Variants in CLNK observed in about 807,000 individuals in gnomAD.
CLNK encodes cytokine-dependent hematopoietic cell linker.
A neutral mutation model predicts 68.6 loss-of-function variants in CLNK; 74 were observed. The ratio of observed to expected loss-of-function variants is 1.08; its 90% CI spans 0.89 to 1.31. CLNK has a LOEUF of 1.31. CLNK is among the 50% of genes most tolerant of loss of function. The pLI is 0.00. For missense variants in CLNK, 553 were observed against 515.3 expected (o/e 1.07, Z -0.71); for synonymous variants, 198 against 172.2 (o/e 1.15, Z -1.17).
At chr4:10,659,209 A>T (rs1724096522) in intron 2 of CLNK, among the ~76,000 whole-genome samples, 1 of 152,210 alleles carries the variant, frequency 6.6e-6, no homozygotes, top group Non-Finnish European at 1.5e-5. Flanking sequence ...CTCAAAGAAA[A>T]CAAAACGTAA....
chr4:10,536,175 C>T (rs1376938033), intron 11 of CLNK, among the ~76,000 whole-genome samples: 2 of 152,186 alleles, frequency 1.3e-5, no homozygotes, highest in Non-Finnish European at 1.5e-5. Context: ...TAACTGCCTA[C>T]CATTGATACA....
intron 3 of CLNK, among the ~76,000 whole-genome samples, chr4:10,585,369 C>T (rs552015729): frequency 1.3e-5 from 2 of 152,342 alleles, no homozygotes; most frequent in East Asian, 1.9e-4. Flanking sequence ...AGATGGTAGC[C>T]TATAGTTGTG....
At chr4:10,508,949 C>A (rs994295382) in intron 16 of CLNK, among the ~76,000 whole-genome samples, 27 of 151,852 alleles carry the variant, frequency 1.8e-4, no homozygotes, top group Admixed American at 5.2e-4. Flanking sequence ...TCTACTAAAA[C>A]TACAAAAATT....
chr4:10,506,333 GAGTC>G (rs1463062367), intron 17 of CLNK, among the ~76,000 whole-genome samples: 2 of 152,222 alleles, frequency 1.3e-5, no homozygotes, highest in African/African-American at 4.8e-5. Flanking sequence ...GATGTATTAA[GAGTC>G]AGAGTGTGAA....
rs140212935 is a variant in CLNK at position 10,516,743 on chromosome 4, G to C, written c.773-3146C>G. On this transcript the variant is annotated intron_variant, in intron 15 of 18. Coordinates refer to ENST00000226951, the MANE Select transcript of CLNK (RefSeq NM_052964.4). ...AATTTTTGTGTTTAGTAGAGTCAGG[G>C]TTTTGCAATGCTAGCCAGTCTGGTC... Among the ~76,000 whole-genome samples, 231 of 152,240 alleles carry C rather than the reference G, an allele frequency of 1.5e-3. 4 individuals are homozygous for C. Among genetic ancestry groups the C allele is most frequent in the South Asian group, 3.5e-3 (17 of 4,820 alleles).
intron 4 of CLNK, among the ~76,000 whole-genome samples, chr4:10,577,647 C>T (rs1048968495): frequency 1.6e-4 from 24 of 151,878 alleles, no homozygotes; most frequent in African/African-American, 4.8e-4. Flanking sequence ...ACAGACATCA[C>T]GATTTCAGGC....
At position 10,490,344 on chromosome 4, in the gene CLNK, T is replaced by C; in HGVS notation, c.*123A>G. The C allele has an allele frequency of 1.0e-6, 1 of 964,470 alleles. No individual in the cohort carries two copies. The highest frequency in any genetic ancestry group is 1.5e-6 in the Non-Finnish European group (1 of 660,228). 59.7% of individuals were successfully genotyped at this position (964,470 alleles called of 1,614,324 possible). A position where few individuals can be genotyped will look rare whatever the true frequency, so the allele number is the denominator to read the frequency against. On this transcript the variant is annotated 3_prime_UTR_variant, in exon 19 of 19. Coordinates refer to ENST00000226951, the MANE Select transcript of CLNK (RefSeq NM_052964.4). ...TGATTTTCCACTCTCTGTTATAGAG[T>C]GTTTTTCTTTTCTCCAAAGTTAAAA...
At chr4:10,505,980 CACTA>C (rs1717274692) in intron 17 of CLNK, among the ~76,000 whole-genome samples, 1 of 152,182 alleles carries the variant, frequency 6.6e-6, no homozygotes, top group African/African-American at 2.4e-5. Flanking sequence ...ATCATTTATT[CACTA>C]ACTAATTCAT....
intron 4 of CLNK, among the ~76,000 whole-genome samples, chr4:10,582,086 C>T (rs990864217): frequency 1.3e-5 from 2 of 152,124 alleles, no homozygotes. Flanking sequence ...CAATGTTAAT[C>T]CTTGAGTTTA....
chr4:10,603,554 C>T (rs61794846), intron 2 of CLNK, among the ~76,000 whole-genome samples: 6,076 of 152,246 alleles, frequency 0.04, 177 homozygotes, highest in Middle Eastern at 0.099. Flanking sequence ...GAGATGACCA[C>T]GTAGAAAGTG....
chr4:10,676,971 C>G (rs1359822376), intron 1 of CLNK, among the ~76,000 whole-genome samples: 1 of 121,344 alleles, frequency 8.2e-6, no homozygotes, highest in Non-Finnish European at 1.7e-5. Context: ...TTACCTCTGT[C>G]TCGCCCCTAT....
At chr4:10,541,963 T>C (rs1279113364) in intron 10 of CLNK, 59 bp downstream of exon 10, 1 of 1,265,750 alleles carries the variant, frequency 7.9e-7, no homozygotes, top group African/African-American at 1.5e-5. Flanking sequence ...CTTTTTCAGA[T>C]GCTGGCACAA....
intron 2 of CLNK, among the ~76,000 whole-genome samples, chr4:10,622,987 T>C (rs944558962): frequency 2.0e-5 from 3 of 152,132 alleles, no homozygotes; most frequent in Non-Finnish European, 4.4e-5. Flanking sequence ...TCTGAGCCCA[T>C]TTATGTCCCA....
At chr4:10,701,587 G>A in the CLNK span, among the ~76,000 whole-genome samples, 2 of 152,144 alleles carry the variant, frequency 1.3e-5, no homozygotes, top group Non-Finnish European at 2.9e-5. Context: ...TAAGGAGCTG[G>A]GAAGGAACCT....
chr4:10,616,790 GTATATATATATATA>G (rs58333228), intron 2 of CLNK, among the ~76,000 whole-genome samples: 15 of 64,400 alleles, frequency 2.3e-4, no homozygotes, highest in African/African-American at 5.8e-4. Flanking sequence ...GTGTGTGTGT[GTATATATATATATA>G]TATATATATA....
intron 16 of CLNK, among the ~76,000 whole-genome samples, chr4:10,509,716 G>A (rs1231519530): frequency 6.6e-6 from 1 of 152,074 alleles, no homozygotes; most frequent in African/African-American, 2.4e-5. Context: ...AGTAGAGACA[G>A]GGTTTCACCG....
At position 10,633,072 on chromosome 4, in the gene CLNK, G is replaced by T. The variant is rs568900702; in HGVS notation, c.11+34787C>A. ...CCTGTCTCAGCCTCCTGAGTATCTG[G>T]GATTACAGGCATGTGCTACCACACT... On this transcript the variant is annotated intron_variant, in intron 2 of 18. Coordinates refer to ENST00000226951, the MANE Select transcript of CLNK (RefSeq NM_052964.4). Among the ~76,000 whole-genome samples the T allele has an allele frequency of 2.6e-5, 4 of 152,200 alleles. No individual in the cohort carries two copies. In the East Asian group the frequency reaches 7.7e-4, roughly 29 times the overall value.
intron 11 of CLNK, among the ~76,000 whole-genome samples, chr4:10,537,679 CTTCCTTCCTTCCTTCCTT>C (rs1718837093): frequency 4.3e-5 from 2 of 46,118 alleles, no homozygotes; most frequent in Non-Finnish European, 8.5e-5. Context: ...TTCTTTCTTT[CTTCCTTCCTTCCTTCCTT>C]CCTTCCTTCC....
chr4:10,513,725 A>G, intron 15 of CLNK, 128 bp from the exon 16 acceptor site: 1 of 799,424 alleles, frequency 1.3e-6, no homozygotes, highest in Non-Finnish European at 1.8e-6. Context: ...TCAACACCAT[A>G]TCAGCTCACT....
Sources: gnomAD v4.1 joint callset for allele counts (sites outside exome capture counted in the v4.1 genomes callset) on GRCh38, gnomAD v4.1.1 for gene constraint, MANE v1.5 for transcripts, NCBI Gene and HGNC (gene_info 2026-07-23, HGNC 2026-07-21) for gene names.